The following ATXN7L1 variants were observed in gnomAD, a reference collection of about 807,000 sequenced individuals.
ATXN7L1 encodes the protein ataxin 7 like 1, also known as ataxin-7-like protein 1.
ATXN7L1 carries 15 observed loss-of-function variants against 70.8 expected under a neutral mutation model. The observed-to-expected ratio is 0.21, with a 90% CI of 0.14 to 0.33. The LOEUF (loss-of-function observed/expected upper bound fraction) is 0.33. Ranked by LOEUF, ATXN7L1 falls within the 10% of genes least tolerant of loss-of-function variation. The pLI, the probability that ATXN7L1 is intolerant of heterozygous loss-of-function variation, is 1.00. For synonymous variants in ATXN7L1, 440 were observed against 445.1 expected, an observed-to-expected ratio of 0.99 and a Z score of 0.14; for missense variants, 975 against 1,097.1, an observed-to-expected ratio of 0.89 and a Z score of 1.57.
chr7:105,733,990 C>T (rs1232856847), intron 3 of ATXN7L1, among the ~76,000 whole-genome samples: 1 of 149,318 alleles, frequency 6.7e-6, no homozygotes, highest in African/African-American at 2.5e-5. Context: ...GCTTTCAATC[C>T]TTTTGAGCCC....
chr7:105,604,824 A>G lies in ATXN7L1; in HGVS notation c.*3028T>C, dbSNP rs148852852. 1.5e-4 allele frequency among the ~76,000 whole-genome samples: 23 copies of G among 152,376 alleles called. No individual in the cohort carries two copies. The highest frequency in any genetic ancestry group is 6.8e-3 in the Middle Eastern group (2 of 294). ...ATACCCCATGACTGACCAGCTACGTAAAACCCACAGAGTTTTGTTAAAGTG... is the reference window on the plus strand; with the variant it reads ...ATACCCCATGACTGACCAGCTACGTGAAACCCACAGAGTTTTGTTAAAGTG... On this transcript the variant is annotated 3_prime_UTR_variant, in exon 12 of 12. Coordinates refer to ENST00000419735, the MANE Select transcript of ATXN7L1 (RefSeq NM_020725.2).
intron 3 of ATXN7L1, among the ~76,000 whole-genome samples, chr7:105,687,249 T>C (rs1313880087): frequency 1.3e-5 from 2 of 152,204 alleles, no homozygotes; most frequent in Non-Finnish European, 2.9e-5. Context: ...GTTCCTGCAA[T>C]GTTCTGATGC....
At chr7:105,725,738 G>A (rs986946759) in intron 3 of ATXN7L1, among the ~76,000 whole-genome samples, 3 of 151,810 alleles carry the variant, frequency 2.0e-5, no homozygotes, top group Admixed American at 6.6e-5. Flanking sequence ...TCACCACAAC[G>A]CCCAGCTAAT....
At chr7:105,872,703 T>C (rs1220893293) in intron 2 of ATXN7L1, among the ~76,000 whole-genome samples, 1 of 152,028 alleles carries the variant, frequency 6.6e-6, no homozygotes, top group Non-Finnish European at 1.5e-5. Flanking sequence ...GGTACAGAGT[T>C]TCTGACTGGG....
intron 3 of ATXN7L1, among the ~76,000 whole-genome samples, chr7:105,711,591 CAA>C (rs1345917289): frequency 1.3e-5 from 2 of 152,228 alleles, no homozygotes; most frequent in Non-Finnish European, 2.9e-5. Flanking sequence ...CTTAAAGCTC[CAA>C]AATAATCCCC....
intron 3 of ATXN7L1, among the ~76,000 whole-genome samples, chr7:105,734,819 AG>A (rs1797202123): frequency 1.3e-5 from 2 of 150,616 alleles, no homozygotes; most frequent in Non-Finnish European, 2.9e-5. Flanking sequence ...AGAGAGAGAG[AG>A]AGTGAGAGAG....
chr7:105,745,350 G>A (rs1028315397), intron 3 of ATXN7L1, among the ~76,000 whole-genome samples: 2 of 152,130 alleles, frequency 1.3e-5, no homozygotes, highest in Admixed American at 1.3e-4. Flanking sequence ...CCCCAGAGGA[G>A]CACTCCACAA....
rs144751474 is a variant in ATXN7L1, at chr7:105,645,211, C to G, written c.579-2090G>C. Among the ~76,000 whole-genome samples, 250 of 151,988 alleles carry G rather than the reference C, an allele frequency of 1.6e-3. 1 individual carries two copies. The highest frequency in any genetic ancestry group is 2.1e-3 in the Admixed American group (32 of 15,260). ...CACAACAGTGTGAATGTACTTAATA[C>G]TACTGAAATGTACATTAAAAACGGT... is the stretch of plus-strand genomic sequence containing the variant. On this transcript the variant is annotated intron_variant, in intron 4 of 11. Coordinates refer to ENST00000419735, the MANE Select transcript of ATXN7L1 (RefSeq NM_020725.2).
chr7:105,841,614 G>A (rs1450718339), intron 2 of ATXN7L1, among the ~76,000 whole-genome samples: 1 of 152,046 alleles, frequency 6.6e-6, no homozygotes, highest in Admixed American at 6.6e-5. Context: ...GTCATCTGAT[G>A]GAAGGCTGTG....
intron 3 of ATXN7L1, among the ~76,000 whole-genome samples, chr7:105,696,856 G>C (rs535157696): frequency 6.6e-6 from 1 of 152,238 alleles, no homozygotes; most frequent in Admixed American, 6.5e-5. Flanking sequence ...CTAAGTGTCG[G>C]CCAGCTTGAG....
chr7:105,617,950 G>C, intron 9 of ATXN7L1: 1 of 456,762 alleles, frequency 2.2e-6, no homozygotes, highest in African/African-American at 2.0e-5. Context: ...CTGGGGTTTG[G>C]GCAGCGAGGT....
At chr7:105,619,171 G>A (rs1353692574) in intron 9 of ATXN7L1, among the ~76,000 whole-genome samples, 21 of 2,166 alleles carry the variant, frequency 9.7e-3, no homozygotes, top group Non-Finnish European at 0.025. Flanking sequence ...TTTTTGAGAC[G>A]GAGTCTCCCT....
intron 2 of ATXN7L1, among the ~76,000 whole-genome samples, chr7:105,842,449 G>T (rs1281093665): frequency 6.6e-6 from 1 of 152,078 alleles, no homozygotes; most frequent in Non-Finnish European, 1.5e-5. Flanking sequence ...TGTTTCATAT[G>T]CATGGAATCA....
At chr7:105,797,603 C>G (rs776850877) in intron 2 of ATXN7L1, among the ~76,000 whole-genome samples, 1 of 152,246 alleles carries the variant, frequency 6.6e-6, no homozygotes, top group Admixed American at 6.5e-5. Flanking sequence ...GGCTTATAAT[C>G]TTCTCTAAGC....
chr7:105,766,171 AG>A (rs1403365929), intron 3 of ATXN7L1, among the ~76,000 whole-genome samples: 1 of 150,548 alleles, frequency 6.6e-6, no homozygotes, highest in Non-Finnish European at 1.5e-5. Flanking sequence ...CAACTAGATC[AG>A]GAGCCCTCTT....
chr7:105,633,273 A>C (rs10242311), intron 7 of ATXN7L1, among the ~76,000 whole-genome samples: 9,944 of 152,302 alleles, frequency 0.065, 491 homozygotes, highest in East Asian at 0.25. Flanking sequence ...TAAAGGCACA[A>C]ACTAAGAAGG....
intron 3 of ATXN7L1, among the ~76,000 whole-genome samples, chr7:105,784,928 G>C (rs750690515): frequency 1.3e-5 from 2 of 152,198 alleles, no homozygotes; most frequent in Non-Finnish European, 2.9e-5. Flanking sequence ...CTGCGTCCAT[G>C]GGGCTTGGAC....
At chr7:105,711,034 A>C (rs1389301778) in intron 3 of ATXN7L1, among the ~76,000 whole-genome samples, 3 of 152,202 alleles carry the variant, frequency 2.0e-5, no homozygotes, top group Non-Finnish European at 4.4e-5. Context: ...ATTCACTATC[A>C]CGAGAACAGC....
chr7:105,785,894 T>C (rs1804227517), intron 3 of ATXN7L1, among the ~76,000 whole-genome samples: 1 of 152,222 alleles, frequency 6.6e-6, no homozygotes, highest in African/African-American at 2.4e-5. Flanking sequence ...CCTCCAGAAC[T>C]GTGAGAAATA....
Sources: allele counts gnomAD v4.1 joint callset (sites outside exome capture counted in the v4.1 genomes callset), GRCh38; gene constraint gnomAD v4.1.1; transcripts MANE v1.5; gene names NCBI Gene and HGNC (gene_info 2026-07-23, HGNC 2026-07-21).